OR2L2: variants seen among roughly 807,000 people sequenced by gnomAD.
OR2L2 encodes olfactory receptor 2L2.
For missense variants in OR2L2, 378 were observed against 375.2 expected (o/e 1.01, Z -0.06); for synonymous variants, 156 against 135.4 (o/e 1.15, Z -1.06).
chr1:248,038,234 T>G lies in OR2L2; in HGVS notation c.-21-13T>G, dbSNP rs758581798. The G allele has an allele frequency of 7.0e-7, 1 of 1,423,740 alleles. No individual in the cohort carries two copies. Among genetic ancestry groups the G allele is most frequent in the Non-Finnish European group, 9.7e-7 (1 of 1,029,046 alleles). The allele number at this position is 1,423,740 out of a possible 1,614,324, so 88.2% of individuals were successfully genotyped here. On this transcript the variant is annotated splice_polypyrimidine_tract_variant and intron_variant, in intron 2 of 2. Coordinates refer to ENST00000641771, the MANE Select transcript of OR2L2 (RefSeq NM_001385855.1). Reference sequence around the variant, plus strand: ...AATTACTGTTCTTAATTTACCCTTTTGTCTCCCTTCAGGATGGATTGTAGG... The same window carrying G: ...AATTACTGTTCTTAATTTACCCTTTGGTCTCCCTTCAGGATGGATTGTAGG...
Position 248,038,486 on chromosome 1 carries a change from C to G in OR2L2, c.219C>G (p.Ile73Met), listed in dbSNP as rs756258244. 1 of 1,613,788 alleles carries G rather than the reference C, an allele frequency of 6.2e-7. No individual in the cohort carries two copies. The highest frequency in any genetic ancestry group is 2.2e-5 in the East Asian group (1 of 44,878). ...SQLSLIDLNY[I>M]STIVPKMVYD... ...TCTCCCTCATTGACCTAAATTACAT[C>G]TCCACCATTGTTCCAAAGATGGTTT... The change falls in exon 3 of 3, where the codon ATC becomes ATG. Residue 73 changes from isoleucine (I) to methionine (M), a missense_variant. Coordinates refer to ENST00000641771, the MANE Select transcript of OR2L2 (RefSeq NM_001385855.1).
rs777357551 is a variant in OR2L2 at position 248,038,659 on chromosome 1, A to G, written c.392A>G (p.Tyr131Cys). Residue 131 changes from tyrosine to cysteine, a missense_variant, in exon 3 of 3, where the codon TAT becomes TGT. By Grantham distance (194) the Tyr-to-Cys change is radical. Coordinates refer to ENST00000641771, the MANE Select transcript of OR2L2 (RefSeq NM_001385855.1). ...GTGGCCATTTGCTTTCCTCTCCACT[A>G]TCCCATCCGTATAAGCAAAAGAGTG... ...RYVAICFPLH[Y>C]PIRISKRVCV... 3.1e-6 allele frequency: 5 copies of G among 1,614,122 alleles called. No individual in the cohort carries two copies. Among genetic ancestry groups the G allele is most frequent in the South Asian group, 1.1e-5 (1 of 91,078 alleles).
intron 1 of OR2L2, among the ~76,000 whole-genome samples, chr1:248,031,363 CA>C (rs1662616290): frequency 6.6e-6 from 1 of 152,206 alleles, no homozygotes; most frequent in South Asian, 2.1e-4. Flanking sequence ...TGCCCCTCAG[CA>C]CTTGTAAAGT....
intron 2 of OR2L2, among the ~76,000 whole-genome samples, chr1:248,037,926 A>C (rs372876422): frequency 6.6e-6 from 1 of 152,220 alleles, no homozygotes; most frequent in East Asian, 1.9e-4. Flanking sequence ...TTTCCCATGA[A>C]GCATTTTGTC....
Position 248,038,793 on chromosome 1 carries a change from T to G in OR2L2, c.526T>G (p.Phe176Val), listed in dbSNP as rs749465429. The G allele has an allele frequency of 2.5e-6, 4 of 1,614,028 alleles. No individual in the cohort carries two copies. Among genetic ancestry groups the G allele is most frequent in the Non-Finnish European group, 3.4e-6 (4 of 1,180,026 alleles). ...PYCKSRAINHFFCDVPAMLTL... is the reference protein window; with the variant it reads ...PYCKSRAINHVFCDVPAMLTL... ...TTGCAAGTCCAGAGCCATCAATCAT[T>G]TTTTCTGTGATGTTCCAGCTATGTT... The change falls in exon 3 of 3, where the codon TTT (phenylalanine) becomes GTT (valine). Residue 176 changes from phenylalanine to valine, a missense_variant. Transcript: ENST00000641771.
intron 1 of OR2L2, 74 bp downstream of exon 1, chr1:248,030,309 G>T (rs532452816): frequency 1.4e-4 from 22 of 152,232 alleles, no homozygotes; most frequent in African/African-American, 5.3e-4. Flanking sequence ...TGCTTAAGAG[G>T]ACTTTGTTTC....
intron 1 of OR2L2, among the ~76,000 whole-genome samples, chr1:248,034,890 G>A (rs554838660): frequency 3.3e-5 from 5 of 152,174 alleles, no homozygotes; most frequent in Admixed American, 6.5e-5. Flanking sequence ...GGTTTTGGCT[G>A]TTGATGTTGC....
At chr1:248,038,144 A>G (rs1662816718) in intron 2 of OR2L2, 103 bp from the exon 3 acceptor site, 2 of 674,266 alleles carry the variant, frequency 3.0e-6, no homozygotes, top group Admixed American at 2.7e-5. Flanking sequence ...TATAGGGTTC[A>G]GTATCAACCC....
At position 248,038,764 on chromosome 1, in the gene OR2L2, C is replaced by T. The variant is rs780339855; in HGVS notation, c.497C>T (p.Pro166Leu). ...CACACAGTATATGCACTCTGTATCC[C>T]ATATTGCAAGTCCAGAGCCATCAAT... ...CAHTVYALCIPYCKSRAINHF... is the reference protein window; with the variant it reads ...CAHTVYALCILYCKSRAINHF... The change falls in exon 3 of 3, where the codon CCA becomes CTA. Residue 166 changes from proline (P) to leucine (L), a missense_variant. Transcript: ENST00000641771. 5.6e-6 allele frequency: 9 copies of T among 1,614,034 alleles called. No homozygotes were observed. In the Admixed American group the frequency reaches 1.3e-4, roughly 24 times the overall value.
intron 2 of OR2L2, among the ~76,000 whole-genome samples, chr1:248,036,188 A>G (rs1294830541): frequency 6.6e-6 from 1 of 152,054 alleles, no homozygotes; most frequent in Non-Finnish European, 1.5e-5. Flanking sequence ...GCCTGTAAGT[A>G]TATGTTGGTC....
chr1:248,030,816 A>AT (rs1285466613), intron 1 of OR2L2, among the ~76,000 whole-genome samples: 2 of 152,094 alleles, frequency 1.3e-5, no homozygotes, highest in Non-Finnish European at 2.9e-5. Context: ...ATCCTGACAT[A>AT]TTGCACGTGC....
rs138052379 is a variant in OR2L2 at position 248,039,016 on chromosome 1, A to G, written c.749A>G (p.Tyr250Cys). Residue 250 changes from tyrosine to cysteine, a missense_variant, in exon 3 of 3, where the codon TAC becomes TGC. Tyr to Cys is a radical substitution (Grantham distance 194). Coordinates refer to ENST00000641771, the MANE Select transcript of OR2L2 (RefSeq NM_001385855.1). ...ACCCACCTCACTGTAGTGTCCTTCT[A>G]CTATGCACCCTTTGCTTATACCTAT... ...CSTHLTVVSF[Y>C]YAPFAYTYVR... is the part of the protein sequence containing the mutation. The G allele has an allele frequency of 5.8e-4, 937 of 1,614,130 alleles. 8 individuals carry two copies. The African/African-American group carries it at 0.011, about 20-fold the overall frequency.
At chr1:248,037,553 C>T (rs1238408057) in intron 2 of OR2L2, among the ~76,000 whole-genome samples, 2 of 151,976 alleles carry the variant, frequency 1.3e-5, no homozygotes. Context: ...CTTAGAAAAA[C>T]TTTGGTTATA....
Position 248,038,331 on chromosome 1 carries a change from A to T in OR2L2, c.64A>T (p.Ile22Phe), listed in dbSNP as rs150173608. 104 of 1,612,828 alleles carry T rather than the reference A, an allele frequency of 6.4e-5. No individual in the cohort carries two copies. The African/African-American group carries it at 1.1e-3, about 16-fold the overall frequency. ...ILLGLFPQSR[I>F]GLFVFTLIFL... is the part of the protein sequence containing the mutation. ...ATTGGGGCTGTTCCCACAATCAAGA[A>T]TTGGCCTTTTCGTATTCACCCTCAT... Residue 22 changes from isoleucine (I) to phenylalanine (F), a missense_variant, in exon 3 of 3, where the codon ATT (isoleucine) becomes TTT (phenylalanine). Physicochemically the swap from Ile to Phe is conservative, Grantham distance 21 (BLOSUM62 0). Transcript: ENST00000641771.
intron 1 of OR2L2, among the ~76,000 whole-genome samples, chr1:248,031,726 G>A (rs552314473): frequency 3.4e-4 from 52 of 152,276 alleles, no homozygotes; most frequent in African/African-American, 1.2e-3. Flanking sequence ...AAATAAGCTT[G>A]CCTTGTAGAA....
At chr1:248,033,952 TTATAA>T (rs1428929284) in intron 1 of OR2L2, among the ~76,000 whole-genome samples, 1 of 152,154 alleles carries the variant, frequency 6.6e-6, no homozygotes, top group Non-Finnish European at 1.5e-5. Flanking sequence ...CCCTCTTTGC[TTATAA>T]TATGATTGTT....
At chr1:248,032,287 A>G (rs1025944785) in intron 1 of OR2L2, among the ~76,000 whole-genome samples, 1 of 152,132 alleles carries the variant, frequency 6.6e-6, no homozygotes. Flanking sequence ...GTATATTTAA[A>G]TGTTTTTATT....
chr1:248,035,637 A>G lies in OR2L2; in HGVS notation c.-22+13A>G, dbSNP rs1297010764. Reference sequence around the variant, plus strand: ...CCTGAACCCAAAGGTAAGGACTTCAAATTTTCTTACCAGTTTTTCCCTATT... The same window carrying G: ...CCTGAACCCAAAGGTAAGGACTTCAGATTTTCTTACCAGTTTTTCCCTATT... On this transcript the variant is annotated intron_variant, in intron 2 of 2. Transcript: ENST00000641771. The G allele has an allele frequency of 1.3e-5, 2 of 152,122 alleles. No homozygotes were observed. The highest frequency in any genetic ancestry group is 2.1e-4 in the South Asian group (1 of 4,820). The allele number at this position is 152,122 out of a possible 1,614,324, so 9.4% of individuals were successfully genotyped here. A position where few individuals can be genotyped will look rare whatever the true frequency, so the allele number is the denominator to read the frequency against.
rs1662871163 is a variant in OR2L2 at position 248,039,195 on chromosome 1, G to T, written c.928G>T (p.Val310Leu). Residue 310 changes from valine to leucine, a missense_variant, in exon 3 of 3, where the codon GTG becomes TTG. By Grantham distance (32) the Val-to-Leu change is conservative. Coordinates refer to ENST00000641771, the MANE Select transcript of OR2L2 (RefSeq NM_001385855.1). Reference protein sequence around the residue: ...LTQVIQKIFSVKM With the variant: ...LTQVIQKIFSLKM ...ACAAGTGATTCAGAAAATCTTCTCA[G>T]TGAAAATGTAGACATACGTTCTGTG... The T allele has an allele frequency of 6.2e-7, 1 of 1,608,002 alleles. No homozygotes were observed. Among genetic ancestry groups the T allele is most frequent in the African/African-American group, 1.3e-5 (1 of 74,778 alleles).
Sources: gnomAD v4.1 joint callset for allele counts (sites outside exome capture counted in the v4.1 genomes callset) on GRCh38, gnomAD v4.1.1 for gene constraint, MANE v1.5 for transcripts, NCBI Gene and HGNC (gene_info 2026-07-23, HGNC 2026-07-21) for gene names.